Variants in PEX7 observed in about 807,000 individuals in gnomAD.
PEX7 encodes peroxisomal biogenesis factor 7, also known as PTS2 receptor.
PEX7 carries 34 observed loss-of-function variants against 47.5 expected under a neutral mutation model. The observed-to-expected ratio is 0.72, with a 90% CI of 0.54 to 0.95. The LOEUF (loss-of-function observed/expected upper bound fraction) is 0.95, where lower values mean the gene tolerates loss of function less well. PEX7 is among the 40% of genes least tolerant of loss of function. The pLI is 0.00. For missense variants in PEX7, 394 were observed against 400.3 expected, an observed-to-expected ratio of 0.98 and a Z score of 0.13; for synonymous variants, 141 against 148.8, an observed-to-expected ratio of 0.95 and a Z score of 0.38.
At chr6:136,913,375 C>T (rs1460933560) in intron 9 of PEX7, 83 bp from the exon 10 acceptor site, 2 of 914,686 alleles carry the variant, frequency 2.2e-6, no homozygotes, top group African/African-American at 1.6e-5. Context: ...TTACGACACT[C>T]TAAATGACTT....
Position 136,834,341 on chromosome 6 carries a change from T to C in PEX7, c.339+7872T>C, listed in dbSNP as rs2115146920. Among the ~76,000 whole-genome samples the C allele has an allele frequency of 1.3e-5, 2 of 152,322 alleles. 1 individual carries two copies. The highest frequency in any genetic ancestry group is 3.9e-4 in the East Asian group (2 of 5,182). On this transcript the variant is annotated intron_variant, in intron 3 of 9. Coordinates refer to ENST00000318471, the MANE Select transcript of PEX7 (RefSeq NM_000288.4). Reference sequence around the variant, plus strand: ...GAGCAATCCTCCTGCTTCAGCCTCCTAAGTAGCTGGGACTATAGGCGCTTG... The same window carrying C: ...GAGCAATCCTCCTGCTTCAGCCTCCCAAGTAGCTGGGACTATAGGCGCTTG...
chr6:136,870,606 C>T, intron 7 of PEX7: 1 of 209,024 alleles, frequency 4.8e-6, no homozygotes, highest in South Asian at 5.3e-5. Context: ...AGTGACATCT[C>T]CCAATTTCAT....
At chr6:136,830,840 CAAAT>C (rs1383317926) in intron 3 of PEX7, among the ~76,000 whole-genome samples, 1 of 152,092 alleles carries the variant, frequency 6.6e-6, no homozygotes. Flanking sequence ...TTCTCATAGT[CAAAT>C]AACAAGGTTT....
chr6:136,822,824 G>A (rs1378272689), intron 1 of PEX7, 29 bp downstream of exon 1: 1 of 1,222,706 alleles, frequency 8.2e-7, no homozygotes, highest in Non-Finnish European at 1.0e-6. Flanking sequence ...GCTGGGGCCG[G>A]GGGGCGGAGG....
chr6:136,899,894 G>C lies in PEX7; in HGVS notation c.903+1653G>C, dbSNP rs1775724199. ...TTCCTTTTCTGATACATTTATTATAGATGGATTTTAATAAAATAATTGTAC... is the reference window on the plus strand; with the variant it reads ...TTCCTTTTCTGATACATTTATTATACATGGATTTTAATAAAATAATTGTAC... On this transcript the variant is annotated intron_variant, in intron 9 of 9. Coordinates refer to ENST00000318471, the MANE Select transcript of PEX7 (RefSeq NM_000288.4). Among the ~76,000 whole-genome samples, 6 of 152,132 alleles carry C rather than the reference G, an allele frequency of 3.9e-5. No individual in the cohort carries two copies. In the South Asian group the frequency reaches 1.2e-3, roughly 31 times the overall value.
At chr6:136,824,826 A>G (rs534828596) in intron 1 of PEX7, among the ~76,000 whole-genome samples, 1 of 152,308 alleles carries the variant, frequency 6.6e-6, no homozygotes, top group African/African-American at 2.4e-5. Flanking sequence ...TGTAAGCCAG[A>G]GGTTTCTCAT....
At chr6:136,850,917 GTTTT>G (rs35220728) in intron 5 of PEX7, among the ~76,000 whole-genome samples, 80 of 69,174 alleles carry the variant, frequency 1.2e-3, no homozygotes, top group African/African-American at 3.4e-3. Flanking sequence ...AAAACTGATG[GTTTT>G]TTTTTTTTTT....
chr6:136,826,862 AG>A (rs1774202200), intron 3 of PEX7, among the ~76,000 whole-genome samples: 1 of 152,066 alleles, frequency 6.6e-6, no homozygotes, highest in African/African-American at 2.4e-5. Context: ...GAGATTCCCG[AG>A]GTGTTTCAGA....
At chr6:136,845,972 C>CAT (rs1774591019) in intron 4 of PEX7, 101 bp from the exon 5 acceptor site, 10 of 739,404 alleles carry the variant, frequency 1.4e-5, no homozygotes, top group Non-Finnish European at 2.4e-5. Context: ...ATATTGTATG[C>CAT]ATATATATAA....
At chr6:136,892,322 T>G (rs1387548629) in intron 8 of PEX7, among the ~76,000 whole-genome samples, 1 of 152,194 alleles carries the variant, frequency 6.6e-6, no homozygotes, top group Non-Finnish European at 1.5e-5. Context: ...ACTTTCAGGG[T>G]GTTAATCAAA....
chr6:136,900,468 C>T lies in PEX7; in HGVS notation c.903+2227C>T, dbSNP rs117803911. ...ACTTGGGACCAAGGACATTGCCCCCCCAGTGACAGCAGATCTCATCGTGTC... is the reference window on the plus strand; with the variant it reads ...ACTTGGGACCAAGGACATTGCCCCCTCAGTGACAGCAGATCTCATCGTGTC... On this transcript the variant is annotated intron_variant, in intron 9 of 9. Transcript: ENST00000318471. The surrounding 1 kb of genome is among the most constrained non-coding windows in gnomAD (Gnocchi z 4.2). 4,248 of 461,768 alleles carry T rather than the reference C, an allele frequency of 9.2e-3. 41 individuals carry two copies. Among genetic ancestry groups the T allele is most frequent in the Non-Finnish European group, 0.012 (2,753 of 232,508 alleles). The allele number at this position is 461,768 out of a possible 1,614,324, so 28.6% of individuals were successfully genotyped here. A position where few individuals can be genotyped will look rare whatever the true frequency, so the allele number is the denominator to read the frequency against.
At chr6:136,911,439 T>C (rs1241314869) in intron 9 of PEX7, among the ~76,000 whole-genome samples, 1 of 152,126 alleles carries the variant, frequency 6.6e-6, no homozygotes, top group East Asian at 1.9e-4. Context: ...AGAGTCTCAC[T>C]CTGTTGCCTA....
rs570652753 is a variant in PEX7 at position 136,848,124 on chromosome 6, A to G, written c.526+1943A>G. On this transcript the variant is annotated intron_variant, in intron 5 of 9. Transcript: ENST00000318471. ...TTGTAGCAATTGTGAATGGGAGTTC[A>G]CTCATGATTTGGCTCTCTTTTTGTC... is the stretch of plus-strand genomic sequence containing the variant. Among the ~76,000 whole-genome samples, 300 of 152,164 alleles carry G rather than the reference A, an allele frequency of 2.0e-3. 3 individuals are homozygous for G. Among genetic ancestry groups the G allele is most frequent in the African/African-American group, 6.5e-3 (269 of 41,496 alleles).
At chr6:136,897,446 G>C (rs1288780457) in intron 8 of PEX7, among the ~76,000 whole-genome samples, 1 of 152,192 alleles carries the variant, frequency 6.6e-6, no homozygotes, top group Non-Finnish European at 1.5e-5. Context: ...ACAAATGAGA[G>C]CTTGATTATG....
At chr6:136,903,047 T>A (rs997714760) in intron 9 of PEX7, among the ~76,000 whole-genome samples, 11 of 152,202 alleles carry the variant, frequency 7.2e-5, no homozygotes, top group Admixed American at 7.2e-4. Flanking sequence ...TATTATTATG[T>A]TTCTTTTAAA....
chr6:136,910,713 G>T (rs1208613655), intron 9 of PEX7, among the ~76,000 whole-genome samples: 1 of 152,218 alleles, frequency 6.6e-6, no homozygotes, highest in Non-Finnish European at 1.5e-5. Flanking sequence ...GGTTTCTCTT[G>T]TGTAATTTTC....
intron 3 of PEX7, among the ~76,000 whole-genome samples, chr6:136,839,135 CG>C (rs1331112758): frequency 6.6e-6 from 1 of 151,932 alleles, no homozygotes; most frequent in Non-Finnish European, 1.5e-5. Context: ...GAGCTGTGCT[CG>C]TTCGTGGCAC....
intron 5 of PEX7, among the ~76,000 whole-genome samples, chr6:136,848,968 A>G (rs974646627): frequency 6.6e-6 from 1 of 152,030 alleles, no homozygotes; most frequent in African/African-American, 2.4e-5. Context: ...TCGGCTGTGA[A>G]TCTGTCTGGT....
chr6:136,830,131 T>G, intron 3 of PEX7: 1 of 678,550 alleles, frequency 1.5e-6, no homozygotes, highest in Non-Finnish European at 2.7e-6. Flanking sequence ...GAATCCCAGC[T>G]TTGTAAGTTA....
Sources: gnomAD v4.1 joint callset for allele counts (sites outside exome capture counted in the v4.1 genomes callset) on GRCh38, gnomAD v4.1.1 for gene constraint, Gnocchi (gnomAD v3.1) non-coding constraint, MANE v1.5 for transcripts, NCBI Gene and HGNC (gene_info 2026-07-23, HGNC 2026-07-21) for gene names.